The following HDAC9 variants were observed in gnomAD, a reference collection of about 807,000 sequenced individuals.
The protein encoded by HDAC9 is MEF-2 interacting transcription repressor (MITR) protein.
A neutral mutation model predicts 139.4 loss-of-function variants in HDAC9; 41 were observed. The ratio of observed to expected loss-of-function variants is 0.29; its 90% CI spans 0.23 to 0.38. HDAC9 has a LOEUF of 0.38. Among genes scored for constraint, HDAC9 ranks in the 10% least tolerant of loss-of-function variants. The probability of loss-of-function intolerance (pLI) is 1.00; values close to 1 mark genes in which losing one functional copy is unlikely to be tolerated. For synonymous variants in HDAC9, 517 were observed against 476.2 expected, an observed-to-expected ratio of 1.09 and a Z score of -1.12; for missense variants, 1,147 against 1,297.0, an observed-to-expected ratio of 0.88 and a Z score of 1.78.
intron 25 of HDAC9, among the ~76,000 whole-genome samples, chr7:18,995,248 C>T (rs1025396995): frequency 6.6e-6 from 1 of 152,218 alleles, no homozygotes; most frequent in Non-Finnish European, 1.5e-5. Flanking sequence ...CCCGGCATCT[C>T]ATATCCCAGT....
chr7:18,791,837 T>G (rs1792342289), intron 16 of HDAC9, among the ~76,000 whole-genome samples: 1 of 152,162 alleles, frequency 6.6e-6, no homozygotes, highest in South Asian at 2.1e-4. Context: ...GTAGCTAGCT[T>G]TTGTTTACCA....
At position 18,850,774 on chromosome 7, in the gene HDAC9, T is replaced by C. The variant is rs1416904578; in HGVS notation, c.2684+14777T>C. ...ATGTATTTTGTACACTTCTGGAGGC[T>C]GAGAAGCCCAAGATTCAGGCGTCAG... On this transcript the variant is annotated intron_variant, in intron 21 of 25. Coordinates refer to ENST00000686413, the MANE Select transcript of HDAC9 (RefSeq NM_178425.4). 2.0e-5 allele frequency among the ~76,000 whole-genome samples: 3 copies of C among 152,170 alleles called. No homozygotes were observed. The East Asian group carries it at 5.8e-4, about 29-fold the overall frequency.
Position 18,629,374 on chromosome 7 carries a change from G to A in HDAC9, c.689G>A (p.Arg230Gln), listed in dbSNP as rs1164431722. 5 of 1,602,664 alleles carry A rather than the reference G, an allele frequency of 3.1e-6. No homozygotes were observed. Among genetic ancestry groups the A allele is most frequent in the East Asian group, 2.3e-5 (1 of 44,334 alleles). The change falls in exon 7 of 26, where the codon CGG becomes CAG. Residue 230 changes from arginine (R) to glutamine (Q), a missense_variant. Physicochemically the swap from Arg to Gln is conservative, Grantham distance 43 (BLOSUM62 1). Around this residue, in one of 7 missense-constraint regions of HDAC9, gnomAD observed 264 missense variants for 273.8 expected, o/e 0.96. Coordinates refer to ENST00000686413, the MANE Select transcript of HDAC9 (RefSeq NM_178425.4). ...KTASEPNLKV[R>Q]SRLKQKVAER... ...GCCTCTGAGCCCAACTTGAAGGTGC[G>A]GTCCAGGTTAAAACAGAAAGTGGCA... is the stretch of plus-strand genomic sequence containing the variant.
intron 21 of HDAC9, among the ~76,000 whole-genome samples, chr7:18,847,945 G>A (rs990353521): frequency 2.6e-5 from 4 of 152,154 alleles, no homozygotes; most frequent in Non-Finnish European, 4.4e-5. Context: ...GACTTAACTC[G>A]TTATGAAAGA....
At chr7:18,429,301 G>T (rs1390333994) in intron 1 of HDAC9, 1 of 152,078 alleles carries the variant, frequency 6.6e-6, no homozygotes, top group Non-Finnish European at 1.5e-5. Context: ...AAGTGAGTAG[G>T]AATTAATGCC....
At chr7:18,887,828 C>T (rs945017421) in intron 22 of HDAC9, among the ~76,000 whole-genome samples, 1 of 151,820 alleles carries the variant, frequency 6.6e-6, no homozygotes, top group African/African-American at 2.4e-5. Context: ...TATTTTCTTC[C>T]TCTACCTAAT....
At chr7:18,153,341 T>C (rs1222888095) in intron 1 of HDAC9, among the ~76,000 whole-genome samples, 1 of 123,546 alleles carries the variant, frequency 8.1e-6, no homozygotes, top group Non-Finnish European at 1.6e-5. Flanking sequence ...AGCCCTGTTA[T>C]GGAATTTTCT....
intron 1 of HDAC9, among the ~76,000 whole-genome samples, chr7:18,379,721 G>C (rs1785271121): frequency 6.6e-6 from 1 of 152,146 alleles, no homozygotes; most frequent in African/African-American, 2.4e-5. Flanking sequence ...GTTTTACTGG[G>C]AGGATTGTTG....
intron 1 of HDAC9, among the ~76,000 whole-genome samples, chr7:18,142,395 C>A (rs1785968943): frequency 6.6e-6 from 1 of 152,164 alleles, no homozygotes; most frequent in Admixed American, 6.5e-5. Flanking sequence ...TGGCAATTTT[C>A]ATTCTTATCC....
chr7:18,520,156 G>A (rs1031116541), intron 2 of HDAC9, among the ~76,000 whole-genome samples: 1 of 152,052 alleles, frequency 6.6e-6, no homozygotes, highest in Non-Finnish European at 1.5e-5. Flanking sequence ...ATAATTAAAA[G>A]TATTAATAAG....
intron 12 of HDAC9, among the ~76,000 whole-genome samples, chr7:18,692,764 C>G (rs1392503832): frequency 6.6e-6 from 1 of 151,890 alleles, no homozygotes; most frequent in Non-Finnish European, 1.5e-5. Context: ...CTTTCGCCAG[C>G]CATTTATAAA....
intron 1 of HDAC9, among the ~76,000 whole-genome samples, chr7:18,143,622 C>T (rs1584302380): frequency 6.6e-6 from 1 of 151,966 alleles, no homozygotes; most frequent in Admixed American, 6.6e-5. Context: ...CTCGTATCTA[C>T]TAAAAATACA....
At chr7:18,345,787 C>T (rs1177389558) in intron 1 of HDAC9, among the ~76,000 whole-genome samples, 1 of 151,814 alleles carries the variant, frequency 6.6e-6, no homozygotes, top group Non-Finnish European at 1.5e-5. Flanking sequence ...TTGGTGCTGC[C>T]TATACCTTCA....
intron 2 of HDAC9, among the ~76,000 whole-genome samples, chr7:18,575,409 G>A (rs1445234476): frequency 1.3e-5 from 2 of 152,134 alleles, no homozygotes; most frequent in African/African-American, 4.8e-5. Context: ...AATATAACAT[G>A]GAGTATTCAA....
chr7:18,451,429 A>ATATGTGTGTGTGTGTGTGTATATATG (rs1563001366), intron 1 of HDAC9, among the ~76,000 whole-genome samples: 19 of 137,654 alleles, frequency 1.4e-4, no homozygotes, highest in African/African-American at 4.9e-4. Context: ...GTGTATATAT[A>ATATGTGTGTGTGTGTGTGTATATATG]TGTGTGTGTG....
chr7:18,838,049 A>T (rs1475429023), intron 21 of HDAC9, among the ~76,000 whole-genome samples: 1 of 152,066 alleles, frequency 6.6e-6, no homozygotes, highest in Non-Finnish European at 1.5e-5. Context: ...TAAGAACCAG[A>T]TTTAATTCAT....
In HDAC9 at chr7:18,629,379, A is replaced by C; in HGVS notation, c.694A>C (p.Arg232=). ...ASEPNLKVRS[R]LKQKVAERRS... ...TGAGCCCAACTTGAAGGTGCGGTCCAGGTTAAAACAGAAAGTGGCAGAGAG... is the reference window on the plus strand; with the variant it reads ...TGAGCCCAACTTGAAGGTGCGGTCCCGGTTAAAACAGAAAGTGGCAGAGAG... Residue 232 remains arginine, a synonymous_variant, in exon 7 of 26, where the codon AGG becomes CGG. Coordinates refer to ENST00000686413, the MANE Select transcript of HDAC9 (RefSeq NM_178425.4). 1.2e-6 allele frequency: 2 copies of C among 1,606,728 alleles called. No individual in the cohort carries two copies. Among genetic ancestry groups the C allele is most frequent in the Non-Finnish European group, 1.7e-6 (2 of 1,177,100 alleles).
At chr7:18,945,060 T>C (rs369493393) in intron 23 of HDAC9, among the ~76,000 whole-genome samples, 7 of 152,240 alleles carry the variant, frequency 4.6e-5, no homozygotes, top group African/African-American at 1.4e-4. Context: ...GTTGAATATA[T>C]TTCTACAAGT....
chr7:18,232,930 C>T (rs943438501), intron 2 of HDAC9, among the ~76,000 whole-genome samples: 7 of 152,146 alleles, frequency 4.6e-5, no homozygotes, highest in African/African-American at 1.4e-4. Context: ...AATTTATGAG[C>T]ATAGGTTCAT....
Sources: allele counts gnomAD v4.1 joint callset (sites outside exome capture counted in the v4.1 genomes callset), GRCh38; gene constraint gnomAD v4.1.1; regional missense constraint gnomAD v4.1.1; transcripts MANE v1.5; gene names NCBI Gene and HGNC (gene_info 2026-07-23, HGNC 2026-07-21).